MYOM1: variants seen among roughly 807,000 people sequenced by gnomAD.
MYOM1 encodes myomesin 1, also known as myomesin-1.
A neutral mutation model predicts 205.3 loss-of-function variants in MYOM1; 164 were observed. That is an observed-to-expected ratio of 0.80 (90% CI 0.70 to 0.91). MYOM1 has a LOEUF of 0.91. Ranked by LOEUF, MYOM1 falls within the 40% of genes least tolerant of loss-of-function variation. The pLI is 0.00. For synonymous variants in MYOM1, 772 were observed against 789.4 expected, an observed-to-expected ratio of 0.98 and a Z score of 0.37; for missense variants, 2,011 against 2,127.3, an observed-to-expected ratio of 0.95 and a Z score of 1.08.
At chr18:3,082,313 G>A (rs372620099) in intron 33 of MYOM1, among the ~76,000 whole-genome samples, 11 of 152,238 alleles carry the variant, frequency 7.2e-5, no homozygotes, top group African/African-American at 2.4e-4. Context: ...ATGATGAACC[G>A]GGCTCTGGAG....
In MYOM1 at chr18:3,128,797, G is replaced by T. The variant is rs543136492; in HGVS notation, c.2794+435C>A. ...TTAATAATCTGAGGATGAGCAAGAA[G>T]GTAACAACTATGACCCTGGTACGAT... is the stretch of plus-strand genomic sequence containing the variant. On this transcript the variant is annotated intron_variant, in intron 18 of 37. Coordinates refer to ENST00000356443, the MANE Select transcript of MYOM1 (RefSeq NM_003803.4). Among the ~76,000 whole-genome samples, 7 of 152,212 alleles carry T rather than the reference G, an allele frequency of 4.6e-5. No individual in the cohort carries two copies. In the South Asian group the frequency reaches 1.5e-3, roughly 32 times the overall value.
At chr18:3,136,519 T>TGGGTTCA (rs1419428840) in intron 14 of MYOM1, among the ~76,000 whole-genome samples, 1 of 151,694 alleles carries the variant, frequency 6.6e-6, no homozygotes. Context: ...TTGACTTCTT[T>TGGGTTCA]GGGTTCAAGT....
In MYOM1 at chr18:3,164,303, T is replaced by C. The variant is rs778564342; in HGVS notation, c.1476A>G (p.Gln492=). The change falls in exon 10 of 38, where the codon CAA becomes CAG. Residue 492 remains glutamine, a synonymous_variant. Transcript: ENST00000356443. The stretch of plus-strand genomic sequence containing the variant: ...CTCGAACAAAGACATAAGCACTATA[T>C]TGTTCATAATATTCTCCCATCCGTA... The part of the protein sequence containing the change: ...IRVRMGEYYE[Q]YSAYVFVRDA... The C allele has an allele frequency of 5.0e-6, 8 of 1,613,102 alleles. No homozygotes were observed. The South Asian group carries it at 8.8e-5, about 18-fold the overall frequency.
chr18:3,126,952 T>G (rs1223568795), intron 18 of MYOM1, 55 bp from the exon 19 acceptor site: 30 of 1,478,072 alleles, frequency 2.0e-5, no homozygotes, highest in Non-Finnish European at 2.6e-5. Flanking sequence ...TGATTCTATA[T>G]ATAAACATTT....
chr18:3,173,419 G>A (rs987888346), intron 8 of MYOM1, among the ~76,000 whole-genome samples: 26 of 152,144 alleles, frequency 1.7e-4, no homozygotes, highest in African/African-American at 5.1e-4. Context: ...CCTCACTGAC[G>A]CTCCGATGAG....
chr18:3,092,932 G>A (rs960688996), intron 26 of MYOM1, among the ~76,000 whole-genome samples: 1 of 152,208 alleles, frequency 6.6e-6, no homozygotes, highest in East Asian at 1.9e-4. Flanking sequence ...ATGCACATAT[G>A]CATGAATGTT....
At position 3,116,400 on chromosome 18, in the gene MYOM1, C is replaced by T; in HGVS notation, c.3234G>A (p.Lys1078=). Residue 1078 remains lysine, a synonymous_variant, in exon 21 of 38, where the codon AAG becomes AAA. Coordinates refer to ENST00000356443, the MANE Select transcript of MYOM1 (RefSeq NM_003803.4). ...ACTGGTCTTCTTTGGCCTTGGCCTC[C>T]TTCAAGTCCACGAAGTAACCAGTGA... The part of the protein sequence containing the change: ...TPVTGYFVDL[K]EAKAKEDQWR... 6.2e-7 allele frequency: 1 copy of T among 1,613,678 alleles called. No individual in the cohort carries two copies. The highest frequency in any genetic ancestry group is 8.5e-7 in the Non-Finnish European group (1 of 1,179,806).
At chr18:3,070,095 A>G (rs943892090) in intron 37 of MYOM1, among the ~76,000 whole-genome samples, 3 of 152,194 alleles carry the variant, frequency 2.0e-5, no homozygotes, top group African/African-American at 7.2e-5. Context: ...AATTTGTTCC[A>G]CTACAAATAT....
Position 3,156,249 on chromosome 18 carries a change from G to A in MYOM1, c.1502-1161C>T, listed in dbSNP as rs146063007. Among the ~76,000 whole-genome samples, 1,016 of 152,276 alleles carry A rather than the reference G, an allele frequency of 6.7e-3. 8 individuals carry two copies. Among genetic ancestry groups the A allele is most frequent in the African/African-American group, 0.023 (956 of 41,542 alleles). Reference sequence around the variant, plus strand: ...AAACGGAGTTAGTAGAAGAGGCTGAGACATGCAGGAGCCACTCACTCAAGG... The same window carrying A: ...AAACGGAGTTAGTAGAAGAGGCTGAAACATGCAGGAGCCACTCACTCAAGG... On this transcript the variant is annotated intron_variant, in intron 10 of 37. Coordinates refer to ENST00000356443, the MANE Select transcript of MYOM1 (RefSeq NM_003803.4).
In MYOM1 at chr18:3,174,102, C is replaced by T; in HGVS notation, c.1111+18G>A. The stretch of plus-strand genomic sequence containing the variant: ...AAACACACACACACTTTGAAGAAAA[C>T]AAATCTAGCAAACCTACTTTTTACC... On this transcript the variant is annotated intron_variant, in intron 7 of 37. Coordinates refer to ENST00000356443, the MANE Select transcript of MYOM1 (RefSeq NM_003803.4). 1 of 1,613,388 alleles carries T rather than the reference C, an allele frequency of 6.2e-7. No individual in the cohort carries two copies. The highest frequency in any genetic ancestry group is 8.5e-7 in the Non-Finnish European group (1 of 1,179,388).
intron 8 of MYOM1, among the ~76,000 whole-genome samples, chr18:3,172,309 G>A (rs59342243): frequency 0.29 from 43,774 of 151,938 alleles, 6,674 homozygotes; most frequent in East Asian, 0.38. Flanking sequence ...TCAGAGAGGA[G>A]GCTCTGTAAG....
Position 3,195,483 on chromosome 18 carries a change from TA to T in MYOM1, c.291-1526del, listed in dbSNP as rs558559703. Among the ~76,000 whole-genome samples, 987 of 152,324 alleles carry T rather than the reference TA, an allele frequency of 6.5e-3. 8 individuals are homozygous for T. The highest frequency in any genetic ancestry group is 0.023 in the African/African-American group (939 of 41,580). On this transcript the variant is annotated intron_variant, in intron 2 of 37. Coordinates refer to ENST00000356443, the MANE Select transcript of MYOM1 (RefSeq NM_003803.4). ...GGCTGTGCTTATACAGGTCTAAGTTTAAAGTGGTATTTTCCCTCACCTCTTT... is the reference window on the plus strand; with the variant it reads ...GGCTGTGCTTATACAGGTCTAAGTTTAAGTGGTATTTTCCCTCACCTCTTT...
Position 3,152,750 on chromosome 18 carries a change from T to A in MYOM1, c.1644-857A>T, listed in dbSNP as rs2080238961. 6.6e-6 allele frequency among the ~76,000 whole-genome samples: 1 copy of A among 152,170 alleles called. No individual in the cohort carries two copies. The highest frequency in any genetic ancestry group is 2.4e-5 in the African/African-American group (1 of 41,434). Reference sequence around the variant, plus strand: ...TCATTTCCCCAACATGGGCTCTATGTCCAAAATGTGTAATTCCCAAATGAT... The same window carrying A: ...TCATTTCCCCAACATGGGCTCTATGACCAAAATGTGTAATTCCCAAATGAT... On this transcript the variant is annotated intron_variant, in intron 11 of 37. Coordinates refer to ENST00000356443, the MANE Select transcript of MYOM1 (RefSeq NM_003803.4). The surrounding 1 kb of genome is among the most constrained non-coding windows in gnomAD (Gnocchi z 4.3).
chr18:3,212,537 G>A (rs549866869), intron 2 of MYOM1, among the ~76,000 whole-genome samples: 1 of 152,072 alleles, frequency 6.6e-6, no homozygotes, highest in Non-Finnish European at 1.5e-5. Context: ...TTTTGCAATA[G>A]AGTTGAGAAA....
chr18:3,076,068 T>G (rs781034457), intron 34 of MYOM1, among the ~76,000 whole-genome samples: 13 of 152,206 alleles, frequency 8.5e-5, no homozygotes, highest in Non-Finnish European at 1.8e-4. Context: ...TAAAAGTCTG[T>G]TTCTTTTCTT....
At chr18:3,176,826 G>A (rs1207753334) in intron 5 of MYOM1, among the ~76,000 whole-genome samples, 1 of 152,024 alleles carries the variant, frequency 6.6e-6, no homozygotes, top group Non-Finnish European at 1.5e-5. Flanking sequence ...AGGTTGCAGT[G>A]AGCTGAGATT....
At position 3,116,375 on chromosome 18, in the gene MYOM1, A is replaced by G. The variant is rs574526346; in HGVS notation, c.3259T>C (p.Trp1087Arg). The stretch of plus-strand genomic sequence containing the variant: ...ATAGCCGCCTCATTGAGCCCTCGCC[A>G]CTGGTCTTCTTTGGCCTTGGCCTCC... ...LKEAKAKEDQ[W>R]RGLNEAAIKN... The change falls in exon 21 of 38, where the codon TGG (tryptophan) becomes CGG (arginine). Residue 1087 changes from tryptophan to arginine, a missense_variant. Transcript: ENST00000356443. The G allele has an allele frequency of 6.2e-7, 1 of 1,613,080 alleles. No homozygotes were observed. Among genetic ancestry groups the G allele is most frequent in the East Asian group, 2.2e-5 (1 of 44,876 alleles).
At chr18:3,090,527 G>A in intron 27 of MYOM1, 131 bp downstream of exon 27, 1 of 1,252,160 alleles carries the variant, frequency 8.0e-7, no homozygotes, top group Non-Finnish European at 1.1e-6. Flanking sequence ...GCTGAAAATT[G>A]TATTTTGAAC....
At chr18:3,069,038 G>A (rs2078930960) in intron 37 of MYOM1, among the ~76,000 whole-genome samples, 1 of 152,086 alleles carries the variant, frequency 6.6e-6, no homozygotes, top group African/African-American at 2.4e-5. Flanking sequence ...GCCTCCCAAA[G>A]TGCTGAGATT....
Sources: allele counts gnomAD v4.1 joint callset (sites outside exome capture counted in the v4.1 genomes callset), GRCh38; gene constraint gnomAD v4.1.1; non-coding constraint Gnocchi (gnomAD v3.1); transcripts MANE v1.5; gene names NCBI Gene and HGNC (gene_info 2026-07-23, HGNC 2026-07-21).